Variants in KIF16B observed in about 807,000 individuals in gnomAD.
KIF16B encodes kinesin family member 16B.
KIF16B carries 98 observed loss-of-function variants against 156.3 expected under a neutral mutation model. That is an observed-to-expected ratio of 0.63 (90% CI 0.53 to 0.74). The LOEUF is 0.74. Among genes scored for constraint, KIF16B ranks in the 30% least tolerant of loss-of-function variants. The pLI is 0.00. For missense variants in KIF16B, 1,421 were observed against 1,606.5 expected, an observed-to-expected ratio of 0.88 and a Z score of 1.97; for synonymous variants, 564 against 583.7, an observed-to-expected ratio of 0.97 and a Z score of 0.49.
At chr20:16,424,259 G>A (rs1222323074) in intron 15 of KIF16B, among the ~76,000 whole-genome samples, 1 of 152,046 alleles carries the variant, frequency 6.6e-6, no homozygotes, top group Non-Finnish European at 1.5e-5. Flanking sequence ...AAAAACAGAT[G>A]GAGAGATGAA....
At chr20:16,403,802 A>G (rs2065715349) in intron 17 of KIF16B, among the ~76,000 whole-genome samples, 1 of 152,170 alleles carries the variant, frequency 6.6e-6, no homozygotes, top group Admixed American at 6.5e-5. Context: ...CTTGGGCTGA[A>G]GGAGTGAATG....
intron 23 of KIF16B, among the ~76,000 whole-genome samples, chr20:16,342,062 A>G (rs2064149665): frequency 6.6e-6 from 1 of 152,078 alleles, no homozygotes; most frequent in African/African-American, 2.4e-5. Context: ...TGTCCAAACC[A>G]TGATTTTTCC....
At chr20:16,495,388 G>T (rs528652655) in intron 11 of KIF16B, among the ~76,000 whole-genome samples, 1 of 152,308 alleles carries the variant, frequency 6.6e-6, no homozygotes, top group South Asian at 2.1e-4. Flanking sequence ...ACTGGAAAGG[G>T]TATTCAAGGC....
Position 16,443,268 on chromosome 20 carries a change from A to G in KIF16B, c.1303-13286T>C, listed in dbSNP as rs6075059. On this transcript the variant is annotated intron_variant, in intron 12 of 25. Transcript: ENST00000354981. ...AATCAAACTGTTCAAACTACTGCTTATGCCATGAGTAATGACAATATGTCA... is the reference window on the plus strand; with the variant it reads ...AATCAAACTGTTCAAACTACTGCTTGTGCCATGAGTAATGACAATATGTCA... Among the ~76,000 whole-genome samples, 824 of 152,328 alleles carry G rather than the reference A, an allele frequency of 5.4e-3. 4 individuals are homozygous for G. Among genetic ancestry groups the G allele is most frequent in the Non-Finnish European group, 9.5e-3 (644 of 68,034 alleles).
chr20:16,284,586 G>A (rs193153026), intron 25 of KIF16B, among the ~76,000 whole-genome samples: 21 of 152,078 alleles, frequency 1.4e-4, no homozygotes, highest in Middle Eastern at 6.8e-3. Flanking sequence ...GCTTTTATGG[G>A]GCTCACATGA....
chr20:16,519,170 C>T (rs1568634265), intron 3 of KIF16B, among the ~76,000 whole-genome samples: 1 of 152,166 alleles, frequency 6.6e-6, no homozygotes, highest in Non-Finnish European at 1.5e-5. Context: ...TTTCTGACAA[C>T]AATGGAAGTT....
chr20:16,488,754 C>A (rs776924545), intron 12 of KIF16B, among the ~76,000 whole-genome samples: 11 of 152,162 alleles, frequency 7.2e-5, no homozygotes, highest in Non-Finnish European at 1.5e-4. Context: ...TATCACAACA[C>A]TAACTTCCCA....
chr20:16,393,540 TG>T (rs1478519155), intron 17 of KIF16B, among the ~76,000 whole-genome samples: 3 of 152,206 alleles, frequency 2.0e-5, no homozygotes, highest in African/African-American at 4.8e-5. Flanking sequence ...AAGGAGGGTA[TG>T]GAAGTTCCTT....
intron 23 of KIF16B, among the ~76,000 whole-genome samples, chr20:16,353,957 G>C (rs1045163314): frequency 1.3e-5 from 2 of 152,152 alleles, no homozygotes; most frequent in African/African-American, 4.8e-5. Context: ...AAAAGGAAGC[G>C]GAACAATGAC....
intron 10 of KIF16B, among the ~76,000 whole-genome samples, chr20:16,500,865 T>C (rs1190856528): frequency 3.3e-5 from 5 of 152,200 alleles, no homozygotes; most frequent in Non-Finnish European, 5.9e-5. Context: ...CATTCTACTT[T>C]CATCTTCCCT....
chr20:16,404,829 T>C lies in KIF16B; in HGVS notation c.1768A>G (p.Met590Val). Residue 590 changes from methionine to valine, a missense_variant, in exon 17 of 26, where the codon ATG becomes GTG. Coordinates refer to ENST00000354981, the MANE Select transcript of KIF16B (RefSeq NM_024704.5). Reference sequence around the variant, plus strand: ...TTCACTCACCCGGGGTTATACAACATGACTGCAGACAGGTTCTCACGGGAC... The same window carrying C: ...TTCACTCACCCGGGGTTATACAACACGACTGCAGACAGGTTCTCACGGGAC... ...SKSRENLSAV[M>V]LYNPGLEFER... The C allele has an allele frequency of 6.2e-7, 1 of 1,612,992 alleles. No individual in the cohort carries two copies.
intron 24 of KIF16B, among the ~76,000 whole-genome samples, chr20:16,316,335 A>G (rs1042410728): frequency 6.6e-6 from 1 of 152,240 alleles, no homozygotes; most frequent in African/African-American, 2.4e-5. Context: ...ACTCAAAAGT[A>G]AAACAAAAAC....
At chr20:16,316,970 C>T (rs1057190160) in intron 24 of KIF16B, among the ~76,000 whole-genome samples, 2 of 152,086 alleles carry the variant, frequency 1.3e-5, no homozygotes, top group African/African-American at 4.8e-5. Context: ...GTAACACTTC[C>T]AACAAATTAA....
At chr20:16,467,976 A>C (rs966217138) in intron 12 of KIF16B, among the ~76,000 whole-genome samples, 2 of 152,228 alleles carry the variant, frequency 1.3e-5, no homozygotes, top group Admixed American at 1.3e-4. Flanking sequence ...AAAGAACAAG[A>C]TAACAAGTAG....
intron 12 of KIF16B, among the ~76,000 whole-genome samples, chr20:16,453,587 G>A (rs1043948146): frequency 6.6e-6 from 1 of 151,934 alleles, no homozygotes; most frequent in South Asian, 2.1e-4. Context: ...ACTACATGAA[G>A]AGCCATGAAA....
At chr20:16,384,711 C>A (rs1039754530) in intron 17 of KIF16B, among the ~76,000 whole-genome samples, 1 of 151,940 alleles carries the variant, frequency 6.6e-6, no homozygotes, top group African/African-American at 2.4e-5. Context: ...AGAGCAGGAC[C>A]CATGACAACT....
chr20:16,351,315 G>T (rs775401221), intron 23 of KIF16B, among the ~76,000 whole-genome samples: 1 of 152,138 alleles, frequency 6.6e-6, no homozygotes, highest in Non-Finnish European at 1.5e-5. Context: ...GTCTCTGCTC[G>T]TCTTAACCAT....
intron 25 of KIF16B, among the ~76,000 whole-genome samples, chr20:16,276,195 A>G (rs1350780591): frequency 6.6e-6 from 1 of 152,226 alleles, no homozygotes; most frequent in Non-Finnish European, 1.5e-5. Flanking sequence ...CAGATGTTAT[A>G]TCAGCATTTG....
chr20:16,491,879 G>T (rs937959828), intron 12 of KIF16B, among the ~76,000 whole-genome samples: 2 of 152,186 alleles, frequency 1.3e-5, no homozygotes, highest in African/African-American at 4.8e-5. Flanking sequence ...GGTAGAGAAA[G>T]AAGGGAACAA....
Sources: allele counts gnomAD v4.1 joint callset (sites outside exome capture counted in the v4.1 genomes callset), GRCh38; gene constraint gnomAD v4.1.1; transcripts MANE v1.5; gene names NCBI Gene and HGNC (gene_info 2026-07-23, HGNC 2026-07-21).